The following SLC9A7 variants were observed in gnomAD, a reference collection of about 807,000 sequenced individuals.
SLC9A7 encodes the protein solute carrier family 9 member A7.
In SLC9A7, 19 loss-of-function variants were observed where a neutral mutation model predicts 52.6. The observed-to-expected ratio is 0.36, with a 90% confidence interval of 0.25 to 0.53. SLC9A7 has a LOEUF of 0.53. SLC9A7 is among the 20% of genes least tolerant of loss of function. SLC9A7 has a pLI of 0.91. For missense variants in SLC9A7, 455 were observed against 597.9 expected (o/e 0.76, Z 2.49); for synonymous variants, 226 against 252.1 (o/e 0.90, Z 0.98).
intron 1 of SLC9A7, among the ~76,000 whole-genome samples, chrX:46,719,364 G>A (rs897835670): frequency 7.3e-5 from 8 of 109,358 alleles, no homozygotes; most frequent in South Asian, 4.0e-4. Context: ...TAATGGGTGC[G>A]GCACACCAAC....
chrX:46,748,542 GGA>G (rs1322271222), intron 1 of SLC9A7, among the ~76,000 whole-genome samples: 1 of 75,219 alleles, frequency 1.3e-5, no homozygotes, highest in Non-Finnish European at 2.4e-5. Context: ...AGATAAATGT[GGA>G]GTGTGTGTGT....
intron 1 of SLC9A7, among the ~76,000 whole-genome samples, chrX:46,742,923 G>C (rs766700072): frequency 9.1e-6 from 1 of 110,023 alleles, no homozygotes; most frequent in Admixed American, 9.7e-5. Flanking sequence ...GTGGTGGCAT[G>C]CACCTGTAAT....
chrX:46,671,373 G>A (rs1331532687), intron 4 of SLC9A7, among the ~76,000 whole-genome samples: 2 of 109,962 alleles, frequency 1.8e-5, no homozygotes, highest in Non-Finnish European at 3.8e-5. Flanking sequence ...CTATTCTCCT[G>A]CCTCAGCCTC....
rs1458418238 is a variant in SLC9A7 at position 46,649,889 on chromosome X, C to T, written c.1351-1092G>A. On this transcript the variant is annotated intron_variant, in intron 10 of 16. Transcript: ENST00000616978. ...CCTCTGCCAGGCCCTCATCTGTAAACAGGGCTGTGCTCTCACTATCTCTCA... is the reference window on the plus strand; with the variant it reads ...CCTCTGCCAGGCCCTCATCTGTAAATAGGGCTGTGCTCTCACTATCTCTCA... 2.1e-4 allele frequency among the ~76,000 whole-genome samples: 24 copies of T among 112,569 alleles called. 1 individual carries two copies. The Admixed American group carries it at 2.2e-3, about 11-fold the overall frequency.
At chrX:46,720,319 T>C (rs1464667294) in intron 1 of SLC9A7, among the ~76,000 whole-genome samples, 4 of 111,119 alleles carry the variant, frequency 3.6e-5, no homozygotes, top group African/African-American at 1.3e-4. Flanking sequence ...ACCCATATCC[T>C]GTCCTTTCCC....
Position 46,602,723 on chromosome X carries a change from TTGGATGTACCA to T in SLC9A7, c.*4218_*4228del. ...ACTCTCTTGGAAGAACTTTGTTTAT[TTGGATGTACCA>T]TTACTTAGCAGTTTCAATCTGATCT... On this transcript the variant is annotated 3_prime_UTR_variant, in exon 17 of 17. Transcript: ENST00000616978. 1 of 112,732 alleles carries T rather than the reference TTGGATGTACCA, an allele frequency of 8.9e-6. No homozygotes were observed. The highest frequency in any genetic ancestry group is 9.4e-5 in the Admixed American group (1 of 10,662). The allele number at this position is 112,732 out of a possible 1,213,427, so 9.3% of individuals were successfully genotyped here.
intron 16 of SLC9A7, among the ~76,000 whole-genome samples, chrX:46,612,924 CAAAAAAAAAAAAAAAAAAAAAAAA>C (rs57833520): frequency 4.9e-4 from 16 of 32,477 alleles, no homozygotes; most frequent in Admixed American, 2.0e-3. Context: ...GACTCCGTCT[CAAAAAAAAAAAAAAAAAAAAAAAA>C]AAAAAAAAAA....
chrX:46,705,982 G>C (rs1944599192), intron 1 of SLC9A7, among the ~76,000 whole-genome samples: 1 of 110,100 alleles, frequency 9.1e-6, no homozygotes, highest in Non-Finnish European at 1.9e-5. Flanking sequence ...GATTAAGAGA[G>C]ATTTATGAGA....
intron 1 of SLC9A7, among the ~76,000 whole-genome samples, chrX:46,709,061 C>T (rs1179937095): frequency 3.6e-5 from 4 of 110,951 alleles, no homozygotes; most frequent in Admixed American, 2.9e-4. Context: ...GTGGGATGTG[C>T]TGAGGTAGGA....
chrX:46,668,296 G>A (rs1295162344), intron 5 of SLC9A7, among the ~76,000 whole-genome samples: 1 of 111,341 alleles, frequency 9.0e-6, no homozygotes, highest in Non-Finnish European at 1.9e-5. Flanking sequence ...GATCACCTGA[G>A]GTTGGGAGTT....
intron 3 of SLC9A7, among the ~76,000 whole-genome samples, chrX:46,675,982 C>T (rs1183928480): frequency 1.8e-5 from 2 of 112,233 alleles, no homozygotes; most frequent in Non-Finnish European, 3.8e-5. Flanking sequence ...GGTGGTGTCC[C>T]GGGAGGGCAT....
intron 1 of SLC9A7, among the ~76,000 whole-genome samples, chrX:46,730,646 C>A (rs1460071070): frequency 1.6e-4 from 8 of 51,340 alleles, no homozygotes; most frequent in South Asian, 9.9e-4. Context: ...GGCAACAGAG[C>A]GAGACTGTCT....
chrX:46,664,235 G>C (rs1943880466), intron 5 of SLC9A7, among the ~76,000 whole-genome samples: 1 of 111,138 alleles, frequency 9.0e-6, no homozygotes, highest in Non-Finnish European at 1.9e-5. Flanking sequence ...ACCTCTTCCT[G>C]TCAGGAAGAG....
chrX:46,682,198 A>G lies in SLC9A7; in HGVS notation c.525+138T>C, dbSNP rs918541662. ...TCCTTCTCCTCATCATGGACCAAAA[A>G]GCTTTGTAACAAAACAGAGAGCCAG... On this transcript the variant is annotated intron_variant, in intron 2 of 16. Transcript: ENST00000616978. The G allele has an allele frequency of 2.7e-5, 16 of 592,960 alleles. No individual in the cohort carries two copies. The Admixed American group carries it at 4.4e-4, about 16-fold the overall frequency. The allele number at this position is 592,960 out of a possible 1,213,427, so 48.9% of individuals were successfully genotyped here.
chrX:46,709,695 C>T (rs968579567), intron 1 of SLC9A7, among the ~76,000 whole-genome samples: 2 of 112,058 alleles, frequency 1.8e-5, no homozygotes, highest in African/African-American at 6.5e-5. Flanking sequence ...CAATTGCTAT[C>T]CTCTGAGAGT....
intron 1 of SLC9A7, among the ~76,000 whole-genome samples, chrX:46,705,663 T>C (rs1944593324): frequency 9.0e-6 from 1 of 111,494 alleles, no homozygotes; most frequent in African/African-American, 3.3e-5. Flanking sequence ...AGTGAGATGT[T>C]GTCTCTACAA....
intron 1 of SLC9A7, among the ~76,000 whole-genome samples, chrX:46,695,803 C>T (rs753806809): frequency 7.3e-5 from 8 of 109,923 alleles, no homozygotes; most frequent in Admixed American, 2.0e-4. Flanking sequence ...GTACTCAAAA[C>T]ATATTTGCTC....
At chrX:46,697,158 C>T (rs1317276953) in intron 1 of SLC9A7, among the ~76,000 whole-genome samples, 1 of 112,156 alleles carries the variant, frequency 8.9e-6, no homozygotes, top group African/African-American at 3.2e-5. Context: ...ACATAAAATG[C>T]TACATTACAA....
chrX:46,728,682 T>A (rs746329428), intron 1 of SLC9A7, among the ~76,000 whole-genome samples: 12 of 112,087 alleles, frequency 1.1e-4, no homozygotes, highest in Non-Finnish European at 1.7e-4. Context: ...CACAAAGACA[T>A]GTAAGCAAAT....
Sources: allele counts gnomAD v4.1 joint callset (sites outside exome capture counted in the v4.1 genomes callset), GRCh38; gene constraint gnomAD v4.1.1; transcripts MANE v1.5; gene names NCBI Gene and HGNC (gene_info 2026-07-23, HGNC 2026-07-21).